The following KLF12 variants were observed in gnomAD, a reference collection of about 807,000 sequenced individuals.
KLF12 encodes the protein KLF transcription factor 12.
In KLF12, 9 loss-of-function variants were observed where a neutral mutation model predicts 37.8. That is an observed-to-expected ratio of 0.24 (90% CI 0.14 to 0.42). The LOEUF is 0.42. Among genes scored for constraint, KLF12 ranks in the 10% least tolerant of loss-of-function variants. KLF12 has a pLI of 1.00. For synonymous variants in KLF12, 208 were observed against 202.1 expected, an observed-to-expected ratio of 1.03 and a Z score of -0.25; for missense variants, 411 against 516.0, an observed-to-expected ratio of 0.80 and a Z score of 1.97.
intron 1 of KLF12, among the ~76,000 whole-genome samples, chr13:74,050,608 G>T (rs912326669): frequency 6.6e-6 from 1 of 152,126 alleles, no homozygotes; most frequent in African/African-American, 2.4e-5. Context: ...TTGAAGCAGG[G>T]ATAACAACAT....
the KLF12 span, among the ~76,000 whole-genome samples, chr13:74,286,901 A>G: frequency 6.6e-6 from 1 of 152,214 alleles, no homozygotes; most frequent in Non-Finnish European, 1.5e-5. Context: ...ATGGAGGTAG[A>G]GCCTTGGAAA....
At chr13:74,039,134 A>T (rs929999079) in intron 1 of KLF12, among the ~76,000 whole-genome samples, 1 of 151,780 alleles carries the variant, frequency 6.6e-6, no homozygotes, top group Non-Finnish European at 1.5e-5. Flanking sequence ...AATTAATTTC[A>T]ATTAACAGTA....
chr13:74,068,879 T>C (rs1379470575), intron 1 of KLF12, among the ~76,000 whole-genome samples: 1 of 152,060 alleles, frequency 6.6e-6, no homozygotes, highest in East Asian at 1.9e-4. Flanking sequence ...ATAATGAAGG[T>C]ATGTATACAT....
At chr13:73,897,371 G>T (rs1887831075) in intron 3 of KLF12, among the ~76,000 whole-genome samples, 1 of 152,056 alleles carries the variant, frequency 6.6e-6, no homozygotes, top group Admixed American at 6.6e-5. Flanking sequence ...CTTCTGATTT[G>T]TCAAATCTCT....
the KLF12 span, among the ~76,000 whole-genome samples, chr13:74,162,777 C>T: frequency 3.9e-5 from 6 of 152,208 alleles, no homozygotes; most frequent in Middle Eastern, 3.4e-3. Context: ...ATTATTACTG[C>T]TCTGCTAACT....
intron 2 of KLF12, among the ~76,000 whole-genome samples, chr13:73,962,784 C>T (rs1891059351): frequency 6.6e-6 from 1 of 152,156 alleles, no homozygotes; most frequent in South Asian, 2.1e-4. Flanking sequence ...TTCGATAATG[C>T]ATTTCCTAAC....
At chr13:74,201,038 C>A in the KLF12 span, among the ~76,000 whole-genome samples, 2 of 152,070 alleles carry the variant, frequency 1.3e-5, no homozygotes, top group Non-Finnish European at 2.9e-5. Context: ...ATATCTGATT[C>A]TTTTCACTAT....
At chr13:74,085,927 C>T (rs1489153410) in intron 1 of KLF12, among the ~76,000 whole-genome samples, 2 of 151,930 alleles carry the variant, frequency 1.3e-5, no homozygotes, top group Non-Finnish European at 2.9e-5. Context: ...GGATTACCTG[C>T]AATGATGAAA....
intron 2 of KLF12, among the ~76,000 whole-genome samples, chr13:73,964,503 C>T (rs1414945090): frequency 6.6e-6 from 1 of 151,762 alleles, no homozygotes; most frequent in African/African-American, 2.4e-5. Context: ...AGCACGGTGG[C>T]TCATGCCTGT....
the KLF12 span, among the ~76,000 whole-genome samples, chr13:74,140,102 T>G: frequency 3.9e-5 from 6 of 152,364 alleles, no homozygotes; most frequent in South Asian, 2.1e-4. Flanking sequence ...TATCTTAGCT[T>G]CTTCTTGTAA....
the KLF12 span, among the ~76,000 whole-genome samples, chr13:74,300,599 C>A: frequency 6.6e-6 from 1 of 152,098 alleles, no homozygotes; most frequent in African/African-American, 2.4e-5. Context: ...CTAAATAGAT[C>A]ACTGCAAGTT....
intron 4 of KLF12, among the ~76,000 whole-genome samples, chr13:73,826,719 T>TACAG (rs1324421314): frequency 7.9e-5 from 12 of 152,060 alleles, no homozygotes. Flanking sequence ...GAACAATACC[T>TACAG]ACAGTTTTGC....
chr13:73,976,162 T>C (rs568859808), intron 2 of KLF12, among the ~76,000 whole-genome samples: 49 of 150,762 alleles, frequency 3.3e-4, no homozygotes, highest in African/African-American at 2.4e-4. Flanking sequence ...GTTTTTTTTT[T>C]CCCCCCACAG....
the KLF12 span, among the ~76,000 whole-genome samples, chr13:74,251,682 G>T: frequency 6.6e-6 from 1 of 152,098 alleles, no homozygotes; most frequent in Non-Finnish European, 1.5e-5. Flanking sequence ...GCTGACTGGC[G>T]TTCAGAGATA....
intron 6 of KLF12, among the ~76,000 whole-genome samples, chr13:73,733,843 T>C (rs1001560868): frequency 2.0e-5 from 3 of 152,182 alleles, no homozygotes; most frequent in Non-Finnish European, 4.4e-5. Context: ...TCTTTATTAA[T>C]AGCCATCCTA....
intron 4 of KLF12, among the ~76,000 whole-genome samples, chr13:73,827,860 G>A (rs567368123): frequency 3.7e-4 from 56 of 152,170 alleles, no homozygotes; most frequent in African/African-American, 1.3e-3. Context: ...ACTGTGTCCG[G>A]GCCCATCCAG....
At chr13:74,163,661 C>T in the KLF12 span, among the ~76,000 whole-genome samples, 1 of 151,956 alleles carries the variant, frequency 6.6e-6, no homozygotes, top group African/African-American at 2.4e-5. Flanking sequence ...CATTTGACAG[C>T]ACAATAGGGT....
At chr13:73,795,736 G>C (rs767834365) in intron 5 of KLF12, among the ~76,000 whole-genome samples, 19 of 152,276 alleles carry the variant, frequency 1.2e-4, no homozygotes, top group South Asian at 1.2e-3. Context: ...ATAAAATATG[G>C]AGACAGGACT....
At chr13:74,256,293 T>G in the KLF12 span, among the ~76,000 whole-genome samples, 1 of 151,544 alleles carries the variant, frequency 6.6e-6, no homozygotes, top group Non-Finnish European at 1.5e-5. Context: ...CAGAACAAAA[T>G]AGAACAAAAC....
Sources: gnomAD v4.1 joint callset for allele counts (sites outside exome capture counted in the v4.1 genomes callset) on GRCh38, gnomAD v4.1.1 for gene constraint, MANE v1.5 for transcripts, NCBI Gene and HGNC (gene_info 2026-07-23, HGNC 2026-07-21) for gene names.